GRB10: variants seen among roughly 807,000 people sequenced by gnomAD.
GRB10 encodes the protein growth factor receptor-bound protein 10.
GRB10 carries 20 observed loss-of-function variants against 80.9 expected under a neutral mutation model. That is an observed-to-expected ratio of 0.25 (90% confidence interval 0.17 to 0.36). The LOEUF is 0.36. Among genes scored for constraint, GRB10 ranks in the 10% least tolerant of loss-of-function variants. The pLI is 1.00. For synonymous variants in GRB10, 291 were observed against 291.5 expected, an observed-to-expected ratio of 1.00 and a Z score of 0.02; for missense variants, 548 against 747.7, an observed-to-expected ratio of 0.73 and a Z score of 3.12.
chr7:50,620,277 T>C (rs531683027), intron 8 of GRB10, among the ~76,000 whole-genome samples: 2 of 152,142 alleles, frequency 1.3e-5, no homozygotes, highest in East Asian at 1.9e-4. Context: ...TGCTATGGAA[T>C]TGACACCAGG....
chr7:50,678,260 T>C (rs2061164343), intron 5 of GRB10, among the ~76,000 whole-genome samples: 1 of 152,238 alleles, frequency 6.6e-6, no homozygotes, highest in Non-Finnish European at 1.5e-5. Context: ...ATCCTCAAAA[T>C]GCTTTTACTC....
intron 1 of GRB10, chr7:50,792,479 C>T (rs2078968885): frequency 2.5e-6 from 1 of 398,570 alleles, no homozygotes. Context: ...AGGCAGTCGT[C>T]AGGCAGGCGT....
intron 2 of GRB10, 46 bp from the exon 3 acceptor site, chr7:50,756,102 C>T: frequency 2.5e-6 from 1 of 398,634 alleles, no homozygotes. Context: ...AGAATTTATA[C>T]AAATGAACTT....
chr7:50,613,841 T>C (rs547266672), intron 12 of GRB10, among the ~76,000 whole-genome samples: 1 of 152,274 alleles, frequency 6.6e-6, no homozygotes, highest in African/African-American at 2.4e-5. Context: ...AAAGAAATTT[T>C]CCCCTAAGGA....
rs138653757 is a variant in GRB10 at position 50,591,156 on chromosome 7, G to A, written c.*1796C>T. ...ATAGTTTGAAAGACTGACTGGCTGC[G>A]AAAGGAAGAAAATGCAATTGAGCAC... On this transcript the variant is annotated 3_prime_UTR_variant, in exon 19 of 19. Coordinates refer to ENST00000401949, the MANE Select transcript of GRB10 (RefSeq NM_001350814.2). 4 of 152,350 alleles carry A rather than the reference G, an allele frequency of 2.6e-5. No individual in the cohort carries two copies. Among genetic ancestry groups the A allele is most frequent in the Non-Finnish European group, 2.9e-5 (2 of 68,034 alleles). The allele number at this position is 152,350 out of a possible 1,614,324, so 9.4% of individuals were successfully genotyped here. A position where few individuals can be genotyped will look rare whatever the true frequency, so the allele number is the denominator to read the frequency against.
chr7:50,612,089 G>A (rs1373810897), intron 13 of GRB10, among the ~76,000 whole-genome samples: 1 of 152,188 alleles, frequency 6.6e-6, no homozygotes, highest in Non-Finnish European at 1.5e-5. Flanking sequence ...TACTCTATAT[G>A]CAGTACCACG....
At chr7:50,769,802 TA>T (rs112446356) in intron 2 of GRB10, among the ~76,000 whole-genome samples, 122 of 143,876 alleles carry the variant, frequency 8.5e-4, no homozygotes, top group Non-Finnish European at 6.6e-4. Flanking sequence ...ACATGTCAGG[TA>T]AAAAAAAAAA....
At chr7:50,643,837 G>A (rs2056717634) in intron 7 of GRB10, among the ~76,000 whole-genome samples, 1 of 152,188 alleles carries the variant, frequency 6.6e-6, no homozygotes, top group South Asian at 2.1e-4. Context: ...AAATGTGGCA[G>A]AGATATTAAC....
rs1027398943 is a variant in GRB10 at position 50,674,597 on chromosome 7, G to A, written c.201C>T (p.Tyr67=). Reference sequence around the variant, plus strand: ...TGTCTGACTGCATGCTGCAGGCCGAGTACAGGCTCTCCAGGGATGCATTCA... The same window carrying A: ...TGTCTGACTGCATGCTGCAGGCCGAATACAGGCTCTCCAGGGATGCATTCA... The part of the protein sequence containing the change: ...NDMNASLESL[Y]SACSMQSDTV... Residue 67 remains tyrosine, a synonymous_variant, in exon 6 of 19, where the codon TAC becomes TAT. Coordinates refer to ENST00000401949, the MANE Select transcript of GRB10 (RefSeq NM_001350814.2). 2 of 1,613,704 alleles carry A rather than the reference G, an allele frequency of 1.2e-6. No homozygotes were observed. The highest frequency in any genetic ancestry group is 1.7e-6 in the Non-Finnish European group (2 of 1,180,040).
upstream of GRB10, among the ~76,000 whole-genome samples, chr7:50,783,431 ACACCT>A (rs796939659): frequency 7.8e-4 from 34 of 43,580 alleles, no homozygotes; most frequent in South Asian, 0.018. Context: ...CACCCCACAC[ACACCT>A]CACACACACA....
chr7:50,744,376 G>A (rs983301426), intron 3 of GRB10, among the ~76,000 whole-genome samples: 1 of 152,104 alleles, frequency 6.6e-6, no homozygotes, highest in African/African-American at 2.4e-5. Flanking sequence ...GGGGAGAGAA[G>A]AATAAACATT....
intron 2 of GRB10, among the ~76,000 whole-genome samples, chr7:50,780,164 A>G (rs1345023147): frequency 1.3e-5 from 2 of 152,212 alleles, no homozygotes; most frequent in East Asian, 3.9e-4. Context: ...ATAAACCGTC[A>G]TGGAAAGGGT....
At position 50,599,158 on chromosome 7, in the gene GRB10, A is replaced by G. The variant is rs553552658; in HGVS notation, c.1545-3628T>C. Reference sequence around the variant, plus strand: ...GTAAAGCACGAGTATGTGCGCGCACACGCTCAGCTGCATGGGTGGGGACGG... The same window carrying G: ...GTAAAGCACGAGTATGTGCGCGCACGCGCTCAGCTGCATGGGTGGGGACGG... On this transcript the variant is annotated intron_variant, in intron 17 of 18. Transcript: ENST00000401949. Among the ~76,000 whole-genome samples, 8 of 150,920 alleles carry G rather than the reference A, an allele frequency of 5.3e-5. No homozygotes were observed. In the East Asian group the frequency reaches 1.6e-3, roughly 30 times the overall value.
At chr7:50,714,750 C>A (rs1587358381) in intron 4 of GRB10, among the ~76,000 whole-genome samples, 1 of 152,072 alleles carries the variant, frequency 6.6e-6, no homozygotes, top group East Asian at 1.9e-4. Flanking sequence ...TGCACTGAAC[C>A]CAACTTCTTC....
chr7:50,711,979 C>T (rs1449016265), intron 4 of GRB10, among the ~76,000 whole-genome samples: 1 of 152,012 alleles, frequency 6.6e-6, no homozygotes, highest in Non-Finnish European at 1.5e-5. Context: ...GGGTGTGAGA[C>T]CCATTGGGGC....
chr7:50,735,069 A>C (rs929618025), intron 3 of GRB10, among the ~76,000 whole-genome samples: 2 of 152,244 alleles, frequency 1.3e-5, no homozygotes, highest in African/African-American at 4.8e-5. Context: ...AACCCTAAAG[A>C]TTCCATAATA....
intron 3 of GRB10, among the ~76,000 whole-genome samples, chr7:50,748,094 C>G (rs188807219): frequency 1.3e-5 from 2 of 152,314 alleles, no homozygotes; most frequent in East Asian, 3.9e-4. Flanking sequence ...CCTGATGATG[C>G]TGGTGACACT....
chr7:50,666,795 C>T (rs1192916664), intron 7 of GRB10, among the ~76,000 whole-genome samples: 1 of 152,020 alleles, frequency 6.6e-6, no homozygotes, highest in African/African-American at 2.4e-5. Flanking sequence ...AATCCCAGCA[C>T]TTTGGGAGGC....
intron 1 of GRB10, among the ~76,000 whole-genome samples, chr7:50,788,912 C>T (rs1358332563): frequency 6.6e-6 from 1 of 152,328 alleles, no homozygotes; most frequent in South Asian, 2.1e-4. Context: ...GATCTGTCTC[C>T]ACACCCAATG....
Sources: gnomAD v4.1 joint callset for allele counts (sites outside exome capture counted in the v4.1 genomes callset) on GRCh38, gnomAD v4.1.1 for gene constraint, MANE v1.5 for transcripts, NCBI Gene and HGNC (gene_info 2026-07-23, HGNC 2026-07-21) for gene names.